The following DYM variants were observed in gnomAD, a reference collection of about 807,000 sequenced individuals.
DYM encodes the protein dymeclin.
Under a neutral mutation model 93.1 loss-of-function variants are expected in DYM, and 78 were observed. The observed-to-expected ratio is 0.84, with a 90% confidence interval of 0.70 to 1.01. The LOEUF (loss-of-function observed/expected upper bound fraction) is 1.01, where lower values mean the gene tolerates loss of function less well. Among genes scored for constraint, DYM ranks in the 50% least tolerant of loss-of-function variants. The pLI, the probability that DYM is intolerant of heterozygous loss-of-function variation, is 0.00. For synonymous variants in DYM, 321 were observed against 319.7 expected (o/e 1.00, Z -0.04); for missense variants, 789 against 845.0 (o/e 0.93, Z 0.82).
chr18:49,140,730 A>C (rs2084390619), intron 15 of DYM, among the ~76,000 whole-genome samples: 1 of 152,220 alleles, frequency 6.6e-6, no homozygotes, highest in African/African-American at 2.4e-5. Context: ...GGGTATGGAC[A>C]TATCCTAAGA....
chr18:49,427,994 A>C (rs1201004261), intron 2 of DYM, among the ~76,000 whole-genome samples: 2 of 152,132 alleles, frequency 1.3e-5, no homozygotes, highest in South Asian at 4.1e-4. Flanking sequence ...AGGAAGGTGA[A>C]GTGGAAGGAT....
chr18:49,350,794 T>C (rs982292375), intron 6 of DYM, among the ~76,000 whole-genome samples: 1 of 150,334 alleles, frequency 6.7e-6, no homozygotes, highest in Non-Finnish European at 1.5e-5. Flanking sequence ...GAATAGAAGA[T>C]TAGACAGTAA....
chr18:49,439,374 TC>T (rs1192912621), intron 1 of DYM, among the ~76,000 whole-genome samples: 6 of 152,156 alleles, frequency 3.9e-5, no homozygotes, highest in Non-Finnish European at 8.8e-5. Flanking sequence ...CTATCATTCC[TC>T]CCTGTTACCC....
chr18:49,109,252 G>T (rs1343487965), intron 16 of DYM, among the ~76,000 whole-genome samples: 1 of 151,970 alleles, frequency 6.6e-6, no homozygotes, highest in East Asian at 1.9e-4. Context: ...ATGGATTTTT[G>T]TTGTTGTTGT....
chr18:49,134,509 C>T (rs554389002), intron 15 of DYM, among the ~76,000 whole-genome samples: 2 of 152,228 alleles, frequency 1.3e-5, no homozygotes, highest in East Asian at 3.9e-4. Flanking sequence ...ATAATTAATA[C>T]ATAAAACGAA....
intron 15 of DYM, among the ~76,000 whole-genome samples, chr18:49,136,394 C>T (rs918992936): frequency 1.3e-5 from 2 of 152,086 alleles, no homozygotes; most frequent in African/African-American, 2.4e-5. Flanking sequence ...GGTTTTAAAA[C>T]ACAAACTTTT....
Position 49,048,986 on chromosome 18 carries a change from T to C in DYM, c.2026-4782A>G, listed in dbSNP as rs16950281. Reference sequence around the variant, plus strand: ...TGGTAGTAACTATGGCTTTCAAATGTTGCAAACAAAATCTCAGGAACATCC... The same window carrying C: ...TGGTAGTAACTATGGCTTTCAAATGCTGCAAACAAAATCTCAGGAACATCC... On this transcript the variant is annotated intron_variant, in intron 17 of 17. Coordinates refer to ENST00000675505, the MANE Select transcript of DYM (RefSeq NM_001353214.3). 9.5e-3 allele frequency among the ~76,000 whole-genome samples: 1,445 copies of C among 152,334 alleles called. 35 individuals are homozygous for C. Among genetic ancestry groups the C allele is most frequent in the South Asian group, 0.067 (324 of 4,826 alleles).
intron 16 of DYM, among the ~76,000 whole-genome samples, chr18:49,097,874 G>GCTCTCTCTCTCTCTCTCTCT (rs61301668): frequency 7.1e-6 from 1 of 141,180 alleles, no homozygotes; most frequent in Admixed American, 7.2e-5. Context: ...CTTAATATTA[G>GCTCTCTCTCTCTCTCTCTCT]CTCTCTCTCT....
chr18:49,104,603 T>C (rs1323955540), intron 16 of DYM, among the ~76,000 whole-genome samples: 7 of 152,256 alleles, frequency 4.6e-5, no homozygotes, highest in South Asian at 4.1e-4. Context: ...ACTGAATTTA[T>C]TGAGTTTTTA....
intron 13 of DYM, among the ~76,000 whole-genome samples, chr18:49,224,575 A>T (rs576159047): frequency 3.6e-4 from 55 of 152,182 alleles, no homozygotes; most frequent in African/African-American, 1.2e-3. Flanking sequence ...ATGAGGGTAC[A>T]GCCTTCATGT....
At chr18:49,353,077 T>A (rs2065249159) in intron 6 of DYM, among the ~76,000 whole-genome samples, 1 of 152,090 alleles carries the variant, frequency 6.6e-6, no homozygotes, top group Admixed American at 6.6e-5. Flanking sequence ...CATAGAGTAG[T>A]TTCATTAGCC....
intron 15 of DYM, among the ~76,000 whole-genome samples, chr18:49,143,812 T>A (rs2144522530): frequency 6.6e-6 from 1 of 152,266 alleles, no homozygotes; most frequent in African/African-American, 2.4e-5. Flanking sequence ...TGAACCTCCA[T>A]GTACCTATCA....
At chr18:49,094,583 G>A (rs1392120765) in intron 17 of DYM, among the ~76,000 whole-genome samples, 1 of 152,120 alleles carries the variant, frequency 6.6e-6, no homozygotes, top group African/African-American at 2.4e-5. Context: ...TATTTACTCT[G>A]AACAGCCAAG....
chr18:49,359,049 A>G (rs1482577116), intron 6 of DYM, among the ~76,000 whole-genome samples: 1 of 152,188 alleles, frequency 6.6e-6, no homozygotes, highest in African/African-American at 2.4e-5. Flanking sequence ...TAGTAACACT[A>G]CAAGAACCCA....
At chr18:49,259,692 G>T (rs1467324312) in intron 11 of DYM, among the ~76,000 whole-genome samples, 3 of 152,166 alleles carry the variant, frequency 2.0e-5, no homozygotes, top group African/African-American at 7.2e-5. Flanking sequence ...CATACTCACT[G>T]AAAGAACACA....
chr18:49,330,077 T>A (rs939823017), intron 8 of DYM, among the ~76,000 whole-genome samples: 9 of 152,346 alleles, frequency 5.9e-5, no homozygotes, highest in African/African-American at 1.9e-4. Flanking sequence ...CTGTGCTTTT[T>A]AGGAGAATGT....
chr18:49,256,310 A>G (rs1248412469), intron 13 of DYM, among the ~76,000 whole-genome samples: 1 of 152,192 alleles, frequency 6.6e-6, no homozygotes, highest in East Asian at 1.9e-4. Context: ...AGAGTCCTCA[A>G]CATGGAAGAG....
intron 11 of DYM, among the ~76,000 whole-genome samples, chr18:49,265,794 A>C (rs1014264288): frequency 1.3e-5 from 2 of 151,706 alleles, no homozygotes; most frequent in Non-Finnish European, 2.9e-5. Context: ...AAAAAAAAAA[A>C]AGAAATATTC....
intron 6 of DYM, among the ~76,000 whole-genome samples, chr18:49,339,924 G>C (rs950455972): frequency 3.2e-4 from 49 of 151,872 alleles, no homozygotes; most frequent in Non-Finnish European, 4.7e-4. Flanking sequence ...GCAGGTTTTG[G>C]GTTTTTTTGG....
Sources: allele counts gnomAD v4.1 joint callset (sites outside exome capture counted in the v4.1 genomes callset), GRCh38; gene constraint gnomAD v4.1.1; transcripts MANE v1.5; gene names NCBI Gene and HGNC (gene_info 2026-07-23, HGNC 2026-07-21).